Variants in LDLRAD4 observed in about 807,000 individuals in gnomAD.
LDLRAD4 encodes the protein low-density lipoprotein receptor class A domain-containing protein 4.
A neutral mutation model predicts 17.0 loss-of-function variants in LDLRAD4; 5 were observed. The observed-to-expected ratio is 0.29, with a 90% CI of 0.15 to 0.62. LDLRAD4 has a LOEUF of 0.62. Ranked by LOEUF, LDLRAD4 falls within the 20% of genes least tolerant of loss-of-function variation. The pLI, the probability that LDLRAD4 is intolerant of heterozygous loss-of-function variation, is 0.84. For missense variants in LDLRAD4, 340 were observed against 424.7 expected, an observed-to-expected ratio of 0.80 and a Z score of 1.75; for synonymous variants, 168 against 171.8, an observed-to-expected ratio of 0.98 and a Z score of 0.17.
At chr18:13,458,981 G>A (rs80018649) in intron 3 of LDLRAD4, among the ~76,000 whole-genome samples, 6,265 of 152,242 alleles carry the variant, frequency 0.041, 131 homozygotes, top group Non-Finnish European at 0.055. Context: ...AGTGAAATTA[G>A]TTTTGGATTC....
At chr18:13,288,094 T>C (rs2045735713) in intron 1 of LDLRAD4, among the ~76,000 whole-genome samples, 1 of 152,234 alleles carries the variant, frequency 6.6e-6, no homozygotes, top group Non-Finnish European at 1.5e-5. Flanking sequence ...TGTATTCCTT[T>C]CACATTTTGA....
At chr18:13,467,254 A>G (rs1032611904) in intron 3 of LDLRAD4, among the ~76,000 whole-genome samples, 5 of 152,246 alleles carry the variant, frequency 3.3e-5, no homozygotes, top group African/African-American at 7.2e-5. Flanking sequence ...TATCTCCGAG[A>G]TGCCACAAGA....
At chr18:13,471,562 A>G (rs1381049795) in intron 3 of LDLRAD4, 1 of 152,378 alleles carries the variant, frequency 6.6e-6, no homozygotes, top group East Asian at 1.9e-4. Context: ...ACAAGTTTGC[A>G]GAGAGTAATG....
At chr18:13,443,701 C>T (rs1019752574) in intron 3 of LDLRAD4, among the ~76,000 whole-genome samples, 22 of 151,228 alleles carry the variant, frequency 1.5e-4, no homozygotes, top group Admixed American at 4.0e-4. Flanking sequence ...CTGTCGTCGT[C>T]GTCGTCGTCT....
chr18:13,387,132 C>G (rs1336554774), intron 1 of LDLRAD4, among the ~76,000 whole-genome samples: 1 of 152,146 alleles, frequency 6.6e-6, no homozygotes, highest in African/African-American at 2.4e-5. Flanking sequence ...GCAGAATGGC[C>G]CAGGAGGGAC....
At chr18:13,537,089 T>C (rs1320474116) in intron 3 of LDLRAD4, among the ~76,000 whole-genome samples, 2 of 152,236 alleles carry the variant, frequency 1.3e-5, no homozygotes, top group Non-Finnish European at 2.9e-5. Context: ...GTCTTCTCTT[T>C]CTTATGATAT....
intron 1 of LDLRAD4, among the ~76,000 whole-genome samples, chr18:13,328,665 C>T (rs549050443): frequency 1.6e-4 from 24 of 152,270 alleles, no homozygotes; most frequent in Non-Finnish European, 2.6e-4. Flanking sequence ...ATATGATTGT[C>T]ACAATAATTT....
intron 2 of LDLRAD4, chr18:13,420,558 G>A (rs2089347923): frequency 6.6e-6 from 1 of 152,202 alleles, no homozygotes; most frequent in Admixed American, 6.5e-5. Flanking sequence ...TTAAGCATAA[G>A]GAAAACACAG....
chr18:13,385,507 G>A (rs1261730527), intron 1 of LDLRAD4, among the ~76,000 whole-genome samples: 2 of 152,110 alleles, frequency 1.3e-5, no homozygotes, highest in Non-Finnish European at 2.9e-5. Flanking sequence ...CTTCTGCAAT[G>A]AAACAAATAG....
intron 3 of LDLRAD4, chr18:13,614,465 A>G (rs569184868): frequency 6.6e-6 from 1 of 152,294 alleles, no homozygotes; most frequent in South Asian, 2.1e-4. Context: ...GTTGTACTAT[A>G]CAGTAGAGTA....
chr18:13,401,382 A>C (rs944861714), intron 2 of LDLRAD4, among the ~76,000 whole-genome samples: 4 of 152,220 alleles, frequency 2.6e-5, no homozygotes, highest in East Asian at 3.9e-4. Context: ...AAAAAAAAAA[A>C]AAAACTGTCC....
chr18:13,540,108 G>C (rs928541770), intron 3 of LDLRAD4, among the ~76,000 whole-genome samples: 1 of 152,246 alleles, frequency 6.6e-6, no homozygotes, highest in Non-Finnish European at 1.5e-5. Context: ...TACGCAGCCA[G>C]ATGCCAGGGA....
intron 1 of LDLRAD4, among the ~76,000 whole-genome samples, chr18:13,310,584 G>T (rs2047178818): frequency 6.6e-6 from 1 of 152,296 alleles, no homozygotes; most frequent in Middle Eastern, 3.4e-3. Flanking sequence ...TATGGAGCAG[G>T]CAGTGACAGC....
chr18:13,318,918 T>C (rs1182609709), intron 1 of LDLRAD4, among the ~76,000 whole-genome samples: 1 of 152,222 alleles, frequency 6.6e-6, no homozygotes, highest in East Asian at 1.9e-4. Context: ...TCCCCTTCCC[T>C]AGTGACTCGC....
chr18:13,494,206 C>T (rs768347553), intron 3 of LDLRAD4, among the ~76,000 whole-genome samples: 6 of 152,124 alleles, frequency 3.9e-5, no homozygotes, highest in East Asian at 1.9e-4. Flanking sequence ...TGTATCCCAA[C>T]CTGCTGTCTA....
chr18:13,474,068 C>T (rs776029588), intron 3 of LDLRAD4, among the ~76,000 whole-genome samples: 2 of 151,954 alleles, frequency 1.3e-5, no homozygotes, highest in Non-Finnish European at 2.9e-5. Flanking sequence ...GTGCAGAACC[C>T]GCCTCGTGCT....
At chr18:13,296,716 A>T (rs1360358923) in intron 1 of LDLRAD4, among the ~76,000 whole-genome samples, 1 of 152,240 alleles carries the variant, frequency 6.6e-6, no homozygotes, top group Non-Finnish European at 1.5e-5. Flanking sequence ...GCATTTTAAA[A>T]TAATAAAAAC....
chr18:13,408,994 G>A, intron 2 of LDLRAD4, among the ~76,000 whole-genome samples: 1 of 152,270 alleles, frequency 6.6e-6, no homozygotes, highest in Admixed American at 6.5e-5. Flanking sequence ...TGTGCACAGG[G>A]TGAAGGTCTC....
At chr18:13,600,403 G>A (rs564409877) in intron 3 of LDLRAD4, among the ~76,000 whole-genome samples, 2 of 152,318 alleles carry the variant, frequency 1.3e-5, no homozygotes, top group South Asian at 4.1e-4. Flanking sequence ...CTGCACAGCT[G>A]TGTGACTCAA....
Sources: allele counts gnomAD v4.1 joint callset (sites outside exome capture counted in the v4.1 genomes callset), GRCh38; gene constraint gnomAD v4.1.1; transcripts MANE v1.5; gene names NCBI Gene and HGNC (gene_info 2026-07-23, HGNC 2026-07-21).